Variants in DGKE observed in about 807,000 individuals in gnomAD.
DGKE encodes DAG kinase epsilon.
DGKE carries 53 observed loss-of-function variants against 70.0 expected under a neutral mutation model. That is an observed-to-expected ratio of 0.76 (90% CI 0.61 to 0.95). The LOEUF (loss-of-function observed/expected upper bound fraction) is 0.95. Ranked by LOEUF, DGKE falls within the 40% of genes least tolerant of loss-of-function variation. The probability of loss-of-function intolerance (pLI) is 0.00; values close to 1 mark genes in which losing one functional copy is unlikely to be tolerated. For missense variants in DGKE, 655 were observed against 706.9 expected (o/e 0.93, Z 0.83); for synonymous variants, 291 against 257.0 (o/e 1.13, Z -1.27).
At chr17:56,854,331 G>GT (rs1265359705) in intron 7 of DGKE, among the ~76,000 whole-genome samples, 2 of 151,538 alleles carry the variant, frequency 1.3e-5, no homozygotes, top group Non-Finnish European at 2.9e-5. Context: ...TTTTTTTTGT[G>GT]TTTTTTTGAG....
chr17:56,856,467 T>G (rs773087504), intron 7 of DGKE, 45 bp from the exon 8 acceptor site: 180 of 1,570,282 alleles, frequency 1.1e-4, no homozygotes, highest in Non-Finnish European at 1.5e-4. Flanking sequence ...GACTCAAGCT[T>G]AGGTGGAACC....
chr17:56,859,477 TGGTG>T (rs1908159157), intron 9 of DGKE, among the ~76,000 whole-genome samples: 1 of 151,074 alleles, frequency 6.6e-6, no homozygotes, highest in Admixed American at 6.6e-5. Context: ...TGGAGTGCAG[TGGTG>T]CGATCTCCGC....
At chr17:56,855,832 C>T (rs1661134098) in intron 7 of DGKE, among the ~76,000 whole-genome samples, 2 of 151,952 alleles carry the variant, frequency 1.3e-5, no homozygotes, top group Non-Finnish European at 2.9e-5. Context: ...GGTGAAACCC[C>T]ATCTCTACTA....
At chr17:56,852,885 G>C (rs8064965) in intron 7 of DGKE, among the ~76,000 whole-genome samples, 2,498 of 152,256 alleles carry the variant, frequency 0.016, 63 homozygotes, top group African/African-American at 0.057. Context: ...AAGTATTTCA[G>C]ATTTCTGATT....
chr17:56,848,931 G>A (rs1364312535), intron 6 of DGKE, 78 bp downstream of exon 6: 1 of 1,573,458 alleles, frequency 6.4e-7, no homozygotes, highest in East Asian at 2.2e-5. Context: ...TTGTGTAGAT[G>A]AAATGTGCCA....
At chr17:56,835,301 G>C in intron 2 of DGKE, 42 bp downstream of exon 2, 1 of 1,558,868 alleles carries the variant, frequency 6.4e-7, no homozygotes, top group South Asian at 1.2e-5. Context: ...AATGCGCCGT[G>C]GGAATCAGGA....
intron 5 of DGKE, 54 bp downstream of exon 5, chr17:56,848,119 C>T (rs903910207): frequency 2.4e-4 from 172 of 707,730 alleles, no homozygotes; most frequent in Non-Finnish European, 2.6e-4. Context: ...ATATACTATA[C>T]ATATATATAT....
At chr17:56,856,762 T>C (rs1186831284) in intron 8 of DGKE, 137 bp downstream of exon 8, 2 of 1,159,624 alleles carry the variant, frequency 1.7e-6, no homozygotes, top group Non-Finnish European at 2.3e-6. Context: ...TTGTGTAGGG[T>C]TGTCAAATTA....
At chr17:56,860,605 T>TA (rs1479334462) in intron 9 of DGKE, among the ~76,000 whole-genome samples, 1 of 152,228 alleles carries the variant, frequency 6.6e-6, no homozygotes, top group Non-Finnish European at 1.5e-5. Flanking sequence ...CATGTGGTCT[T>TA]ACAGGAATAA....
intron 2 of DGKE, among the ~76,000 whole-genome samples, chr17:56,842,591 C>A (rs1047424111): frequency 6.6e-6 from 1 of 152,190 alleles, no homozygotes; most frequent in Non-Finnish European, 1.5e-5. Context: ...TTCTCTGTAA[C>A]AGATTATGCA....
chr17:56,844,648 C>T (rs1738260541), intron 3 of DGKE, among the ~76,000 whole-genome samples: 1 of 152,092 alleles, frequency 6.6e-6, no homozygotes, highest in Admixed American at 6.5e-5. Flanking sequence ...AGATTTTCCT[C>T]ACACCTTTTT....
chr17:56,840,501 G>C (rs1269160330), intron 2 of DGKE, among the ~76,000 whole-genome samples: 2 of 151,838 alleles, frequency 1.3e-5, no homozygotes, highest in Admixed American at 6.6e-5. Flanking sequence ...TCAGCCTCCC[G>C]AGTAGCTGGG....
chr17:56,842,754 A>G (rs1907063120), intron 2 of DGKE, among the ~76,000 whole-genome samples: 1 of 152,150 alleles, frequency 6.6e-6, no homozygotes, highest in Admixed American at 6.5e-5. Context: ...TCTTTTTTAT[A>G]TTCATTTAAT....
intron 2 of DGKE, among the ~76,000 whole-genome samples, chr17:56,837,781 C>T (rs1465303659): frequency 6.6e-6 from 1 of 152,220 alleles, no homozygotes; most frequent in Non-Finnish European, 1.5e-5. Context: ...ACTCTGCAGA[C>T]AAGTTACATT....
At chr17:56,834,465 C>T (rs1004223195) in intron 1 of DGKE, among the ~76,000 whole-genome samples, 5 of 152,222 alleles carry the variant, frequency 3.3e-5, no homozygotes, top group Non-Finnish European at 5.9e-5. Flanking sequence ...GCAGCTTGCC[C>T]CTGTATGTTG....
Position 56,862,607 on chromosome 17 carries a change from A to T in DGKE, c.1525-5A>T. On this transcript the variant is annotated splice_polypyrimidine_tract_variant and splice_region_variant and intron_variant, in intron 11 of 11. Coordinates refer to ENST00000284061, the MANE Select transcript of DGKE (RefSeq NM_003647.3). Reference sequence around the variant, plus strand: ...TTTTAAACATTATTTGTTCCCTAATATCAGCTGATTTTGAAGTGCTCCATG... The same window carrying T: ...TTTTAAACATTATTTGTTCCCTAATTTCAGCTGATTTTGAAGTGCTCCATG... 6.5e-7 allele frequency: 1 copy of T among 1,528,092 alleles called. No homozygotes were observed. The highest frequency in any genetic ancestry group is 1.4e-5 in the African/African-American group (1 of 71,444). The allele number at this position is 1,528,092 out of a possible 1,614,324, so 94.7% of individuals were successfully genotyped here.
chr17:56,854,612 G>A (rs1038841695), intron 7 of DGKE, among the ~76,000 whole-genome samples: 5 of 152,064 alleles, frequency 3.3e-5, no homozygotes, highest in African/African-American at 7.2e-5. Context: ...ACTGTGCTCA[G>A]CCTAAAAGAG....
rs748965902 is a variant in DGKE at position 56,861,813 on chromosome 17, T to C, written c.1307T>C (p.Val436Ala). The C allele has an allele frequency of 1.9e-6, 3 of 1,613,520 alleles. No individual in the cohort carries two copies. Among genetic ancestry groups the C allele is most frequent in the Middle Eastern group, 1.7e-4 (1 of 6,056 alleles). ...AAGCTAGAACTGGATGGTGAGCGAGTAGCACTGCCCAGCTTGGAAGGTATT... is the reference window on the plus strand; with the variant it reads ...AAGCTAGAACTGGATGGTGAGCGAGCAGCACTGCCCAGCTTGGAAGGTATT... ...KVELELDGER[V>A]ALPSLEGIIV... The change falls in exon 10 of 12, where the codon GTA becomes GCA. Residue 436 changes from valine to alanine, a missense_variant. Coordinates refer to ENST00000284061, the MANE Select transcript of DGKE (RefSeq NM_003647.3).
intron 7 of DGKE, among the ~76,000 whole-genome samples, chr17:56,853,851 G>T (rs1293165679): frequency 6.6e-6 from 1 of 152,074 alleles, no homozygotes; most frequent in Admixed American, 6.5e-5. Context: ...TCAAACAGAT[G>T]TCCATGCTGC....
Sources: allele counts gnomAD v4.1 joint callset (sites outside exome capture counted in the v4.1 genomes callset), GRCh38; gene constraint gnomAD v4.1.1; transcripts MANE v1.5; gene names NCBI Gene and HGNC (gene_info 2026-07-23, HGNC 2026-07-21).